NAV2: variants seen among roughly 807,000 people sequenced by gnomAD.
NAV2 encodes helicase, APC down-regulated 1.
Under a neutral mutation model 223.2 loss-of-function variants are expected in NAV2, and 54 were observed. The ratio of observed to expected loss-of-function variants is 0.24; its 90% CI spans 0.19 to 0.30. NAV2 has a LOEUF of 0.30. NAV2 is among the 10% of genes least tolerant of loss of function. The pLI is 1.00. For missense variants in NAV2, 2,806 were observed against 3,147.5 expected, an observed-to-expected ratio of 0.89 and a Z score of 2.60; for synonymous variants, 1,279 against 1,239.3, an observed-to-expected ratio of 1.03 and a Z score of -0.67.
rs1359696238 is a variant in NAV2 at position 19,439,540 on chromosome 11, AG to A, written c.75+88514del. Among the ~76,000 whole-genome samples, 8 of 152,222 alleles carry A rather than the reference AG, an allele frequency of 5.3e-5. No individual in the cohort carries two copies. In the East Asian group the frequency reaches 1.5e-3, roughly 29 times the overall value. On this transcript the variant is annotated intron_variant, in intron 1 of 37. Transcript: ENST00000360655. ...CCCCTGAATTTAAAAGTTAAAAAAAAGTGGCAGTGATAATATTGACCTCACA... is the reference window on the plus strand; with the variant it reads ...CCCCTGAATTTAAAAGTTAAAAAAAATGGCAGTGATAATATTGACCTCACA...
chr11:19,975,361 T>C (rs909037366), intron 10 of NAV2, among the ~76,000 whole-genome samples: 1 of 152,246 alleles, frequency 6.6e-6, no homozygotes, highest in Middle Eastern at 3.2e-3. Flanking sequence ...AAGTACACTA[T>C]TGTTATAATC....
chr11:19,356,319 C>T (rs764598076), intron 1 of NAV2, among the ~76,000 whole-genome samples: 2 of 152,162 alleles, frequency 1.3e-5, no homozygotes, highest in African/African-American at 2.4e-5. Context: ...CAGCCTTCAT[C>T]TCAATGAAGA....
At chr11:19,693,011 G>A (rs1373475785) in intron 1 of NAV2, among the ~76,000 whole-genome samples, 2 of 152,260 alleles carry the variant, frequency 1.3e-5, no homozygotes, top group African/African-American at 4.8e-5. Context: ...CAGGGAACCT[G>A]ACCAAGACCT....
At chr11:19,796,540 T>C (rs1024147777) in intron 1 of NAV2, among the ~76,000 whole-genome samples, 5 of 152,208 alleles carry the variant, frequency 3.3e-5, no homozygotes, top group Admixed American at 6.5e-5. Flanking sequence ...GAGAACCTAG[T>C]AATCTTCCTC....
At chr11:20,042,864 T>G (rs936057155) in intron 12 of NAV2, among the ~76,000 whole-genome samples, 1 of 152,190 alleles carries the variant, frequency 6.6e-6, no homozygotes, top group African/African-American at 2.4e-5. Flanking sequence ...CCAACTGGCC[T>G]CAAACCCCAG....
intron 1 of NAV2, among the ~76,000 whole-genome samples, chr11:19,425,464 A>T (rs1212417845): frequency 6.6e-6 from 1 of 152,242 alleles, no homozygotes; most frequent in Non-Finnish European, 1.5e-5. Context: ...ATCCAGAGAC[A>T]GCCTGCACTA....
chr11:19,457,223 G>A (rs1469563192), intron 1 of NAV2, among the ~76,000 whole-genome samples: 1 of 152,194 alleles, frequency 6.6e-6, no homozygotes, highest in Non-Finnish European at 1.5e-5. Flanking sequence ...TTTTAAGGAA[G>A]TAATGATAAA....
chr11:19,521,942 AGGGGCTAAAACTG>A (rs1237298081), intron 1 of NAV2, among the ~76,000 whole-genome samples: 1 of 152,168 alleles, frequency 6.6e-6, no homozygotes, highest in Non-Finnish European at 1.5e-5. Context: ...AGAATTTGGC[AGGGGCTAAAACTG>A]GGGTTTTAGA....
chr11:19,608,873 C>T (rs955739450), intron 1 of NAV2, among the ~76,000 whole-genome samples: 4 of 152,166 alleles, frequency 2.6e-5, no homozygotes, highest in African/African-American at 9.7e-5. Flanking sequence ...AATCAATTTC[C>T]TTGTCTTCCC....
chr11:19,628,675 C>G (rs1565116992), intron 1 of NAV2, among the ~76,000 whole-genome samples: 1 of 152,134 alleles, frequency 6.6e-6, no homozygotes, highest in East Asian at 1.9e-4. Context: ...ATACACTTAC[C>G]CATATTCACA....
chr11:19,701,108 C>G (rs1045229103), intron 1 of NAV2, among the ~76,000 whole-genome samples: 5 of 152,126 alleles, frequency 3.3e-5, no homozygotes, highest in Admixed American at 3.3e-4. Context: ...AGAAATGAAG[C>G]CAGGCACCAC....
chr11:19,793,036 C>T (rs1376778756), intron 1 of NAV2, among the ~76,000 whole-genome samples: 2 of 151,764 alleles, frequency 1.3e-5, no homozygotes, highest in African/African-American at 4.8e-5. Flanking sequence ...TGGCGAAACC[C>T]TGTCTCTACT....
At chr11:19,448,845 AATGAAGTT>A (rs1464903621) in intron 1 of NAV2, among the ~76,000 whole-genome samples, 1 of 152,208 alleles carries the variant, frequency 6.6e-6, no homozygotes, top group Non-Finnish European at 1.5e-5. Context: ...ACTCTTTGGC[AATGAAGTT>A]ATGGTCTGTG....
intron 1 of NAV2, among the ~76,000 whole-genome samples, chr11:19,694,993 G>A (rs2049288163): frequency 6.6e-6 from 1 of 152,348 alleles, no homozygotes; most frequent in Admixed American, 6.5e-5. Context: ...GTGGCCAGCA[G>A]CAAAGTGCTA....
At chr11:19,776,577 GGTGT>G (rs71050684) in intron 1 of NAV2, among the ~76,000 whole-genome samples, 171 of 116,164 alleles carry the variant, frequency 1.5e-3, no homozygotes, top group South Asian at 3.1e-3. Flanking sequence ...CTGGGGCAGG[GGTGT>G]GTGTGTGTGT....
intron 1 of NAV2, among the ~76,000 whole-genome samples, chr11:19,614,624 T>A (rs1340584131): frequency 1.3e-5 from 2 of 152,164 alleles, no homozygotes; most frequent in African/African-American, 4.8e-5. Flanking sequence ...ACATTAGGGA[T>A]CACTCTTGGT....
intron 1 of NAV2, among the ~76,000 whole-genome samples, chr11:19,487,434 C>A (rs1380234366): frequency 6.6e-6 from 1 of 152,164 alleles, no homozygotes; most frequent in Non-Finnish European, 1.5e-5. Context: ...TGACTTGCTT[C>A]TAACTTGCTT....
intron 6 of NAV2, among the ~76,000 whole-genome samples, chr11:19,910,176 A>G (rs900442780): frequency 6.6e-6 from 1 of 152,250 alleles, no homozygotes; most frequent in African/African-American, 2.4e-5. Context: ...TACATTATGC[A>G]GCTAAGGGCC....
chr11:19,592,909 A>C (rs1184092671), intron 1 of NAV2, among the ~76,000 whole-genome samples: 2 of 152,188 alleles, frequency 1.3e-5, no homozygotes, highest in African/African-American at 4.8e-5. Flanking sequence ...ATCCCATGTA[A>C]AGATAGAACT....
Sources: gnomAD v4.1 joint callset for allele counts (sites outside exome capture counted in the v4.1 genomes callset) on GRCh38, gnomAD v4.1.1 for gene constraint, MANE v1.5 for transcripts, NCBI Gene and HGNC (gene_info 2026-07-23, HGNC 2026-07-21) for gene names.